Variants in RASD1 observed in about 807,000 individuals in gnomAD.
RASD1 encodes ras related dexamethasone induced 1.
A neutral mutation model predicts 16.7 loss-of-function variants in RASD1; 13 were observed. The observed-to-expected ratio is 0.78, with a 90% CI of 0.51 to 1.24. The LOEUF (loss-of-function observed/expected upper bound fraction) is 1.24, where lower values mean the gene tolerates loss of function less well. Among genes scored for constraint, RASD1 ranks in the 50% most tolerant of loss-of-function variants. The probability of loss-of-function intolerance (pLI) is 0.00; values close to 1 mark genes in which losing one functional copy is unlikely to be tolerated. For missense variants in RASD1, 397 were observed against 407.5 expected, an observed-to-expected ratio of 0.97 and a Z score of 0.22; for synonymous variants, 170 against 172.6, an observed-to-expected ratio of 0.98 and a Z score of 0.12.
rs1417949624 is a variant in RASD1, at chr17:17,495,329, G to A, written c.642C>T (p.Cys214=). The change falls in exon 2 of 2, where the codon TGC becomes TGT. Residue 214 remains cysteine, a synonymous_variant. Coordinates refer to ENST00000225688, the MANE Select transcript of RASD1 (RefSeq NM_016084.5). The part of the protein sequence containing the change: ...DLHRKVSVQY[C]DVLHKKALRN... Reference sequence around the variant, plus strand: ...GCAGCGCCTTCTTGTGCAGCACGTCGCAGTACTGCACCGAGACCTTGCGGT... The same window carrying A: ...GCAGCGCCTTCTTGTGCAGCACGTCACAGTACTGCACCGAGACCTTGCGGT... The A allele has an allele frequency of 1.3e-6, 2 of 1,560,686 alleles. No individual in the cohort carries two copies. Among genetic ancestry groups the A allele is most frequent in the Non-Finnish European group, 8.7e-7 (1 of 1,152,450 alleles).
At position 17,496,063 on chromosome 17, in the gene RASD1, A is replaced by T. The variant is rs1272428835; in HGVS notation, c.119T>A (p.Ile40Asn). The change falls in exon 1 of 2, where the codon ATC (isoleucine) becomes AAC (asparagine). Residue 40 changes from isoleucine (I) to asparagine (N), a missense_variant. Transcript: ENST00000225688. ...GCGGCCGGTGAGGAAGCGCGACACG[A>T]TGGCCGTCTTGCCCACCTTGGACGA... ...LGSSKVGKTA[I>N]VSRFLTGRFE... is the part of the protein sequence containing the mutation. The T allele has an allele frequency of 6.2e-7, 1 of 1,614,078 alleles. No homozygotes were observed.
rs1443586995 is a variant in RASD1 at position 17,496,317 on chromosome 17, G to A, written c.-136C>T. 3 of 942,620 alleles carry A rather than the reference G, an allele frequency of 3.2e-6. No individual in the cohort carries two copies. The highest frequency in any genetic ancestry group is 1.8e-5 in the African/African-American group (1 of 56,620). 58.4% of individuals were successfully genotyped at this position (942,620 alleles called of 1,614,324 possible). A position where few individuals can be genotyped will look rare whatever the true frequency, so the allele number is the denominator to read the frequency against. On this transcript the variant is annotated 5_prime_UTR_variant, in exon 1 of 2. Transcript: ENST00000225688. ...GGGCGCGGCTCGGGCTTGGGGCTCC[G>A]GCTCCGCTCGGGCTGGGCTCGGGCT...
rs368069213 is a variant in RASD1, at chr17:17,496,098, G to A, written c.84C>T (p.Val28=). The A allele has an allele frequency of 1.2e-6, 2 of 1,614,004 alleles. No individual in the cohort carries two copies. The highest frequency in any genetic ancestry group is 3.3e-5 in the Admixed American group (2 of 60,008). The change falls in exon 1 of 2, where the codon GTC becomes GTT. Residue 28 remains valine (V), a synonymous_variant. Coordinates refer to ENST00000225688, the MANE Select transcript of RASD1 (RefSeq NM_016084.5). ...TGCCCACCTTGGACGAGCCGAGGAT[G>A]ACCATGCGATAGCAGTTCTTGGCCG... is the stretch of plus-strand genomic sequence containing the variant. The part of the protein sequence containing the change: ...SIPAKNCYRM[V]ILGSSKVGKT...
chr17:17,496,250 G>T lies in RASD1; in HGVS notation c.-69C>A. The T allele has an allele frequency of 2.0e-6, 3 of 1,466,396 alleles. No individual in the cohort carries two copies. The allele number at this position is 1,466,396 out of a possible 1,614,324, so 90.8% of individuals were successfully genotyped here. A position where few individuals can be genotyped will look rare whatever the true frequency, so the allele number is the denominator to read the frequency against. On this transcript the variant is annotated 5_prime_UTR_variant, in exon 1 of 2. Transcript: ENST00000225688. ...GCAGAGAGCGGCTGAGGGTCGCTGG[G>T]GTGGCACGCGGGGTGAGCGGCTGGA...
chr17:17,494,658 C>A lies in RASD1; in HGVS notation c.*467G>T. Reference sequence around the variant, plus strand: ...GGCTATGATTTGACCCACGCCCCCCCGCTTAGTTTTGGGAGGGCAGAGGCT... The same window carrying A: ...GGCTATGATTTGACCCACGCCCCCCAGCTTAGTTTTGGGAGGGCAGAGGCT... On this transcript the variant is annotated 3_prime_UTR_variant, in exon 2 of 2. Transcript: ENST00000225688. 5.4e-6 allele frequency: 1 copy of A among 184,242 alleles called. No individual in the cohort carries two copies. Among genetic ancestry groups the A allele is most frequent in the Non-Finnish European group, 1.1e-5 (1 of 89,284 alleles). 11.4% of individuals were successfully genotyped at this position (184,242 alleles called of 1,614,324 possible). A position where few individuals can be genotyped will look rare whatever the true frequency, so the allele number is the denominator to read the frequency against.
intron 1 of RASD1, 21 bp downstream of exon 1, chr17:17,495,875 C>A: frequency 6.3e-7 from 1 of 1,590,798 alleles, no homozygotes; most frequent in Non-Finnish European, 8.5e-7. Flanking sequence ...CCCTCCCGCA[C>A]CTGCCCGGCC....
Position 17,495,653 on chromosome 17 carries a change from G to A in RASD1, c.318C>T (p.Asp106=). 1 of 1,612,354 alleles carries A rather than the reference G, an allele frequency of 6.2e-7. No individual in the cohort carries two copies. Among genetic ancestry groups the A allele is most frequent in the Non-Finnish European group, 8.5e-7 (1 of 1,179,516 alleles). ...GCACCTCCTCGAAGGAGTCGCGGTT[G>A]TCCAGACTGAACACCAGGATGAAAA... ...GDVFILVFSL[D]NRDSFEEVQR... Residue 106 remains aspartate (D), a synonymous_variant, in exon 2 of 2, where the codon GAC becomes GAT. Transcript: ENST00000225688.
At position 17,496,168 on chromosome 17, in the gene RASD1, G is replaced by A; in HGVS notation, c.14C>T (p.Ala5Val). The change falls in exon 1 of 2, where the codon GCG becomes GTG. Residue 5 changes from alanine to valine, a missense_variant. By Grantham distance (64) the Ala-to-Val change is moderately conservative (BLOSUM62 0). Transcript: ENST00000225688. The stretch of plus-strand genomic sequence containing the variant: ...GCTCGGGCACATCTTCTTGATCATC[G>A]CGGCCAGTTTCATTGGGCAGAGGGG... MKLAAMIKKMCPSDS... is the reference protein window; with the variant it reads MKLAVMIKKMCPSDS... 2 of 1,604,676 alleles carry A rather than the reference G, an allele frequency of 1.2e-6. No homozygotes were observed. The highest frequency in any genetic ancestry group is 1.7e-6 in the Non-Finnish European group (2 of 1,173,714).
In RASD1 at chr17:17,494,688, C is replaced by T. The variant is rs530406012; in HGVS notation, c.*437G>A. On this transcript the variant is annotated 3_prime_UTR_variant, in exon 2 of 2. Transcript: ENST00000225688. The stretch of plus-strand genomic sequence containing the variant: ...AGTTTTGGGAGGGCAGAGGCTCTAC[C>T]GGCTGTCACAGCAACCCGGAATCAC... The T allele has an allele frequency of 9.4e-5, 18 of 192,004 alleles. No individual in the cohort carries two copies. Among genetic ancestry groups the T allele is most frequent in the South Asian group, 2.3e-4 (2 of 8,712 alleles). The allele number at this position is 192,004 out of a possible 1,614,324, so 11.9% of individuals were successfully genotyped here.
At position 17,495,476 on chromosome 17, in the gene RASD1, G is replaced by A. The variant is rs1395674967; in HGVS notation, c.495C>T (p.Gly165=). The A allele has an allele frequency of 6.2e-7, 1 of 1,609,302 alleles. No individual in the cohort carries two copies. Among genetic ancestry groups the A allele is most frequent in the Non-Finnish European group, 8.5e-7 (1 of 1,178,110 alleles). ...VDQREIEQLV[G]DDPQRCAYFE... is the part of the protein sequence containing the mutation. ...AGTAGGCGCAGCGCTGGGGGTCGTC[G>A]CCCACCAGCTGCTCGATCTCGCGCT... is the stretch of plus-strand genomic sequence containing the variant. The change falls in exon 2 of 2, where the codon GGC becomes GGT. Residue 165 remains glycine (G), a synonymous_variant. Coordinates refer to ENST00000225688, the MANE Select transcript of RASD1 (RefSeq NM_016084.5).
In RASD1 at chr17:17,496,092, G is replaced by A; in HGVS notation, c.90C>T (p.Leu30=). The change falls in exon 1 of 2, where the codon CTC becomes CTT. Residue 30 remains leucine, a synonymous_variant. Coordinates refer to ENST00000225688, the MANE Select transcript of RASD1 (RefSeq NM_016084.5). ...CCGTCTTGCCCACCTTGGACGAGCC[G>A]AGGATGACCATGCGATAGCAGTTCT... is the stretch of plus-strand genomic sequence containing the variant. The part of the protein sequence containing the change: ...PAKNCYRMVI[L]GSSKVGKTAI... 1 of 1,614,134 alleles carries A rather than the reference G, an allele frequency of 6.2e-7. No homozygotes were observed. Among genetic ancestry groups the A allele is most frequent in the Non-Finnish European group, 8.5e-7 (1 of 1,180,026 alleles).
chr17:17,495,870 C>T, intron 1 of RASD1, 26 bp downstream of exon 1: 1 of 1,584,814 alleles, frequency 6.3e-7, no homozygotes, highest in Non-Finnish European at 8.6e-7. Flanking sequence ...CCCTTCCCTC[C>T]CGCACCTGCC....
chr17:17,495,441 G>A lies in RASD1; in HGVS notation c.530C>T (p.Ser177Leu). The A allele has an allele frequency of 1.2e-6, 2 of 1,607,736 alleles. No homozygotes were observed. The highest frequency in any genetic ancestry group is 1.3e-5 in the African/African-American group (1 of 74,986). The change falls in exon 2 of 2, where the codon TCG becomes TTG. Residue 177 changes from serine (S) to leucine (L), a missense_variant. By Grantham distance (145) the Ser-to-Leu change is moderately radical. Transcript: ENST00000225688. ...DPQRCAYFEI[S>L]AKKNSSLDQM... ...GTCCAGGCTGCTGTTCTTCTTGGCC[G>A]AGATCTCGAAGTAGGCGCAGCGCTG...
rs774190385 is a variant in RASD1 at position 17,495,232 on chromosome 17, C to T, written c.739G>A (p.Ala247Thr). The T allele has an allele frequency of 2.9e-5, 46 of 1,607,092 alleles. No individual in the cohort carries two copies. Among genetic ancestry groups the T allele is most frequent in the Non-Finnish European group, 7.6e-6 (9 of 1,178,016 alleles). The change falls in exon 2 of 2, where the codon GCA becomes ACA. Residue 247 changes from alanine to threonine, a missense_variant. Coordinates refer to ENST00000225688, the MANE Select transcript of RASD1 (RefSeq NM_016084.5). Reference protein sequence around the residue: ...GDPGDAFGIVAPFARRPSVHS... With the variant: ...GDPGDAFGIVTPFARRPSVHS... Reference sequence around the variant, plus strand: ...ACGCTGGGCCGGCGCGCGAAGGGTGCCACGATGCCAAAGGCGTCGCCCGGG... The same window carrying T: ...ACGCTGGGCCGGCGCGCGAAGGGTGTCACGATGCCAAAGGCGTCGCCCGGG...
rs1298272398 is a variant in RASD1, at chr17:17,495,969, G to A, written c.213C>T (p.Val71=). ...ACGTGTCGAGGATGTCGAGCTGGTA[G>A]ACCTCGCCGCGGATGGAGTAGAACT... ...HRKFYSIRGE[V]YQLDILDTSG... The change falls in exon 1 of 2, where the codon GTC becomes GTT. Residue 71 remains valine (V), a synonymous_variant. Coordinates refer to ENST00000225688, the MANE Select transcript of RASD1 (RefSeq NM_016084.5). The A allele has an allele frequency of 6.2e-7, 1 of 1,613,310 alleles. No individual in the cohort carries two copies. Among genetic ancestry groups the A allele is most frequent in the South Asian group, 1.1e-5 (1 of 91,086 alleles).
chr17:17,496,053 G>T lies in RASD1; in HGVS notation c.129C>A (p.Arg43=). The stretch of plus-strand genomic sequence containing the variant: ...CGTCCTCGAAGCGGCCGGTGAGGAA[G>T]CGCGACACGATGGCCGTCTTGCCCA... ...SKVGKTAIVS[R]FLTGRFEDAY... The change falls in exon 1 of 2, where the codon CGC becomes CGA. Residue 43 remains arginine, a synonymous_variant. Transcript: ENST00000225688. The T allele has an allele frequency of 6.2e-7, 1 of 1,614,118 alleles. No individual in the cohort carries two copies. The highest frequency in any genetic ancestry group is 8.5e-7 in the Non-Finnish European group (1 of 1,180,022).
Position 17,495,128 on chromosome 17 carries a change from G to C in RASD1, c.843C>G (p.Ser281Arg). The C allele has an allele frequency of 6.2e-7, 1 of 1,610,950 alleles. No homozygotes were observed. Among genetic ancestry groups the C allele is most frequent in the Non-Finnish European group, 8.5e-7 (1 of 1,179,588 alleles). The change falls in exon 2 of 2, where the codon AGC becomes AGG. Residue 281 changes from serine (S) to arginine (R), a missense_variant. Transcript: ENST00000225688. ...TGTCGCCAGCGCGGCGGGGCTCCTA[G>C]CTGATGACGCAGCGCTCCTTGTCCT... ...QAKDKERCVI[S>R]
At position 17,496,278 on chromosome 17, in the gene RASD1, G is replaced by A; in HGVS notation, c.-97C>T. On this transcript the variant is annotated 5_prime_UTR_variant, in exon 1 of 2. Transcript: ENST00000225688. ...GGCACGCGGGGTGAGCGGCTGGAGG[G>A]CTCTGCTCGGGCTGGGCGCGGCTCG... is the stretch of plus-strand genomic sequence containing the variant. 5.2e-6 allele frequency: 7 copies of A among 1,337,710 alleles called. 1 individual carries two copies. The highest frequency in any genetic ancestry group is 4.4e-5 in the South Asian group (3 of 68,812). 82.9% of individuals were successfully genotyped at this position (1,337,710 alleles called of 1,614,324 possible). A position where few individuals can be genotyped will look rare whatever the true frequency, so the allele number is the denominator to read the frequency against.
At position 17,495,224 on chromosome 17, in the gene RASD1, G is replaced by C. The variant is rs1175316347; in HGVS notation, c.747C>G (p.Phe249Leu). The C allele has an allele frequency of 6.2e-7, 1 of 1,609,414 alleles. No homozygotes were observed. The highest frequency in any genetic ancestry group is 2.2e-5 in the East Asian group (1 of 44,724). Residue 249 changes from phenylalanine to leucine, a missense_variant, in exon 2 of 2, where the codon TTC becomes TTG. Phe to Leu is a conservative substitution (Grantham distance 22, BLOSUM62 0). Coordinates refer to ENST00000225688, the MANE Select transcript of RASD1 (RefSeq NM_016084.5). ...CGCTGTGTACGCTGGGCCGGCGCGC[G>C]AAGGGTGCCACGATGCCAAAGGCGT... ...PGDAFGIVAP[F>L]ARRPSVHSDL...
Sources: allele counts gnomAD v4.1 joint callset, GRCh38; gene constraint gnomAD v4.1.1; transcripts MANE v1.5; gene names NCBI Gene and HGNC (gene_info 2026-07-23, HGNC 2026-07-21).